The following MAPKAPK5 variants were observed in gnomAD, a reference collection of about 807,000 sequenced individuals.
The protein encoded by MAPKAPK5 is MAP kinase-activated protein kinase 5.
In MAPKAPK5, 30 loss-of-function variants were observed where a neutral mutation model predicts 65.1. The observed-to-expected ratio is 0.46, with a 90% CI of 0.34 to 0.63. MAPKAPK5 has a LOEUF of 0.63. MAPKAPK5 is among the 20% of genes least tolerant of loss of function. The pLI, the probability that MAPKAPK5 is intolerant of heterozygous loss-of-function variation, is 0.01. For synonymous variants in MAPKAPK5, 179 were observed against 204.6 expected (o/e 0.87, Z 1.07); for missense variants, 433 against 581.4 (o/e 0.74, Z 2.63).
chr12:111,843,816 T>C (rs747048391), intron 1 of MAPKAPK5, among the ~76,000 whole-genome samples: 7 of 151,686 alleles, frequency 4.6e-5, no homozygotes, highest in African/African-American at 7.3e-5. Context: ...GTTTTTTGTC[T>C]GTTTGTTTGT....
At chr12:111,856,969 T>A (rs2069261813) in intron 1 of MAPKAPK5, among the ~76,000 whole-genome samples, 1 of 152,224 alleles carries the variant, frequency 6.6e-6, no homozygotes, top group African/African-American at 2.4e-5. Context: ...TATGTATTTT[T>A]GAAATGCTTT....
Position 111,883,590 on chromosome 12 carries a change from T to C in MAPKAPK5, c.670T>C (p.Leu224=). ...TPYTYNKSCD[L]WSLGVIIYVM... ...TCTTTTTTGCTTTCAGAGCTGTGAC[T>C]TGTGGTCCCTAGGGGTGATTATCTA... Residue 224 remains leucine (L), a synonymous_variant, in exon 9 of 14, where the codon TTG becomes CTG. Coordinates refer to ENST00000550735, the MANE Select transcript of MAPKAPK5 (RefSeq NM_003668.4). The surrounding 1 kb of genome is among the most constrained non-coding windows in gnomAD (Gnocchi z 4.8). 1 of 1,612,208 alleles carries C rather than the reference T, an allele frequency of 6.2e-7. No homozygotes were observed. The highest frequency in any genetic ancestry group is 1.7e-5 in the Admixed American group (1 of 59,628).
Position 111,895,961 on chromosome 12 carries a change from T to C in MAPKAPK5, c.*2900T>C, listed in dbSNP as rs1243013063. On this transcript the variant is annotated 3_prime_UTR_variant, in exon 14 of 14. Coordinates refer to ENST00000550735, the MANE Select transcript of MAPKAPK5 (RefSeq NM_003668.4). ...GTTGTGTTTTTCAGTGAAATGCAAA[T>C]CTTACAGATCACTTCTTACAGTTAG... 1 of 152,218 alleles carries C rather than the reference T, an allele frequency of 6.6e-6. No individual in the cohort carries two copies. Among genetic ancestry groups the C allele is most frequent in the African/African-American group, 2.4e-5 (1 of 41,442 alleles). 9.4% of individuals were successfully genotyped at this position (152,218 alleles called of 1,614,324 possible).
At chr12:111,859,544 G>T (rs1377849551) in intron 1 of MAPKAPK5, among the ~76,000 whole-genome samples, 4 of 152,166 alleles carry the variant, frequency 2.6e-5, no homozygotes, top group African/African-American at 7.2e-5. Context: ...GATTATAGGC[G>T]TGAGCCACTG....
intron 3 of MAPKAPK5, among the ~76,000 whole-genome samples, chr12:111,866,760 C>T (rs2069627723): frequency 6.6e-6 from 1 of 152,194 alleles, no homozygotes; most frequent in African/African-American, 2.4e-5. Context: ...CAGGCATGCG[C>T]CACCACGCAT....
intron 1 of MAPKAPK5, among the ~76,000 whole-genome samples, chr12:111,850,158 A>G (rs184721595): frequency 6.6e-6 from 1 of 152,014 alleles, no homozygotes; most frequent in African/African-American, 2.4e-5. Context: ...CCTCCCAAGT[A>G]GCTGGGATTA....
In MAPKAPK5 at chr12:111,898,133, TTAAC is replaced by T; in HGVS notation, c.*5075_*5078del. On this transcript the variant is annotated 3_prime_UTR_variant, in exon 14 of 14. Coordinates refer to ENST00000550735, the MANE Select transcript of MAPKAPK5 (RefSeq NM_003668.4). Reference sequence around the variant, plus strand: ...CCAGTTTTCTTTTCTTGATGAAATGTTAACTAGACACCTGGTTAGTCAGCTTTTA... The same window carrying T: ...CCAGTTTTCTTTTCTTGATGAAATGTTAGACACCTGGTTAGTCAGCTTTTA... The T allele has an allele frequency of 6.6e-6, 1 of 152,160 alleles. No individual in the cohort carries two copies. Among genetic ancestry groups the T allele is most frequent in the East Asian group, 1.9e-4 (1 of 5,184 alleles). 9.4% of individuals were successfully genotyped at this position (152,160 alleles called of 1,614,324 possible). A position where few individuals can be genotyped will look rare whatever the true frequency, so the allele number is the denominator to read the frequency against.
At chr12:111,862,719 G>A (rs2069482591) in intron 1 of MAPKAPK5, among the ~76,000 whole-genome samples, 1 of 152,096 alleles carries the variant, frequency 6.6e-6, no homozygotes, top group South Asian at 2.1e-4. Flanking sequence ...GTACAATGGA[G>A]AATTTGGTCA....
chr12:111,863,769 G>C (rs1377537981), intron 1 of MAPKAPK5, among the ~76,000 whole-genome samples: 4 of 151,910 alleles, frequency 2.6e-5, no homozygotes, highest in African/African-American at 9.7e-5. Flanking sequence ...ACCATGCCTG[G>C]CTAATTTTGT....
At chr12:111,875,576 G>A (rs1368865763) in intron 7 of MAPKAPK5, among the ~76,000 whole-genome samples, 2 of 151,952 alleles carry the variant, frequency 1.3e-5, no homozygotes, top group African/African-American at 4.8e-5. Flanking sequence ...GGGACCGAGA[G>A]GTATCTGTTT....
chr12:111,848,038 G>A (rs967377122), intron 1 of MAPKAPK5, among the ~76,000 whole-genome samples: 4 of 152,212 alleles, frequency 2.6e-5, no homozygotes, highest in African/African-American at 9.6e-5. Flanking sequence ...TGTGAATAAA[G>A]TGATAAAACT....
chr12:111,852,931 GC>G (rs1385305917), intron 1 of MAPKAPK5, among the ~76,000 whole-genome samples: 2 of 152,032 alleles, frequency 1.3e-5, no homozygotes. Context: ...GCTTCACCAT[GC>G]CTGGCTAATT....
At chr12:111,851,625 C>T (rs533725423) in intron 1 of MAPKAPK5, among the ~76,000 whole-genome samples, 4 of 152,154 alleles carry the variant, frequency 2.6e-5, no homozygotes, top group Non-Finnish European at 5.9e-5. Context: ...CGCACCTGGT[C>T]CAGGACTTTC....
intron 1 of MAPKAPK5, among the ~76,000 whole-genome samples, chr12:111,862,848 G>A (rs1162149185): frequency 6.6e-6 from 1 of 152,114 alleles, no homozygotes; most frequent in African/African-American, 2.4e-5. Context: ...TCCATTAGTT[G>A]AGTGGAACAG....
In MAPKAPK5 at chr12:111,902,040, C is replaced by A. The variant is rs1566301847; in HGVS notation, c.*8979C>A. 1 of 152,520 alleles carries A rather than the reference C, an allele frequency of 6.6e-6. No individual in the cohort carries two copies. The highest frequency in any genetic ancestry group is 1.5e-5 in the Non-Finnish European group (1 of 68,326). 9.4% of individuals were successfully genotyped at this position (152,520 alleles called of 1,614,324 possible). ...TGCTATCTTCTATTTGTTTGACATA[C>A]AGAATCATATGTACCTGAATTTATT... On this transcript the variant is annotated 3_prime_UTR_variant, in exon 14 of 14. Transcript: ENST00000550735.
chr12:111,891,638 A>C (rs2070611671), intron 13 of MAPKAPK5, among the ~76,000 whole-genome samples: 1 of 57,614 alleles, frequency 1.7e-5, no homozygotes. Flanking sequence ...CTAAAAATAC[A>C]AAAAAAAAAA....
intron 7 of MAPKAPK5, among the ~76,000 whole-genome samples, chr12:111,878,356 T>C (rs2070067752): frequency 6.6e-6 from 1 of 152,026 alleles, no homozygotes; most frequent in Non-Finnish European, 1.5e-5. Context: ...AGTTCACTTA[T>C]TAGCATTTGG....
intron 9 of MAPKAPK5, among the ~76,000 whole-genome samples, chr12:111,885,137 G>C (rs190146195): frequency 6.6e-6 from 1 of 152,316 alleles, no homozygotes; most frequent in African/African-American, 2.4e-5. Context: ...GGATCTTCCA[G>C]ATAATCCTTT....
chr12:111,881,133 G>A (rs574709745), intron 8 of MAPKAPK5, among the ~76,000 whole-genome samples: 19 of 152,082 alleles, frequency 1.2e-4, no homozygotes, highest in African/African-American at 4.3e-4. Context: ...GAGTACAGTG[G>A]TGTGATCTCA....
Sources: allele counts gnomAD v4.1 joint callset (sites outside exome capture counted in the v4.1 genomes callset), GRCh38; gene constraint gnomAD v4.1.1; non-coding constraint Gnocchi (gnomAD v3.1); transcripts MANE v1.5; gene names NCBI Gene and HGNC (gene_info 2026-07-23, HGNC 2026-07-21).